Variants in RBFOX1 observed in about 807,000 individuals in gnomAD.
RBFOX1 encodes RNA binding protein fox-1 homolog 1.
In RBFOX1, 8 loss-of-function variants were observed where a neutral mutation model predicts 57.7. The ratio of observed to expected loss-of-function variants is 0.14; its 90% CI spans 0.08 to 0.25. RBFOX1 has a LOEUF of 0.25. Among genes scored for constraint, RBFOX1 ranks in the 10% least tolerant of loss-of-function variants. The probability of loss-of-function intolerance (pLI) is 1.00; values close to 1 mark genes in which losing one functional copy is unlikely to be tolerated. For synonymous variants in RBFOX1, 326 were observed against 222.4 expected, an observed-to-expected ratio of 1.47 and a Z score of -4.15; for missense variants, 611 against 548.5, an observed-to-expected ratio of 1.11 and a Z score of -1.14.
chr16:6,885,558 G>C (rs2063821623), intron 3 of RBFOX1, among the ~76,000 whole-genome samples: 1 of 151,428 alleles, frequency 6.6e-6, no homozygotes, highest in South Asian at 2.1e-4. Flanking sequence ...TTGAAATGGA[G>C]TCTTGCTCTG....
At chr16:7,203,464 G>A (rs1250721450) in intron 4 of RBFOX1, among the ~76,000 whole-genome samples, 2 of 152,320 alleles carry the variant, frequency 1.3e-5, no homozygotes, top group East Asian at 1.9e-4. Flanking sequence ...TTATGGTGGT[G>A]ATGGTTGCAT....
At chr16:6,892,292 G>A (rs917743657) in intron 3 of RBFOX1, among the ~76,000 whole-genome samples, 2 of 152,046 alleles carry the variant, frequency 1.3e-5, no homozygotes, top group Non-Finnish European at 2.9e-5. Context: ...AAGACTCTTC[G>A]ACCGTAAAGT....
At chr16:6,912,193 C>T (rs988954036) in intron 3 of RBFOX1, among the ~76,000 whole-genome samples, 1 of 152,120 alleles carries the variant, frequency 6.6e-6, no homozygotes, top group Admixed American at 6.6e-5. Flanking sequence ...ACTTAAATTC[C>T]CACGTGGAGT....
intron 14 of RBFOX1, among the ~76,000 whole-genome samples, chr16:7,677,418 A>G (rs544044685): frequency 1.3e-5 from 2 of 152,264 alleles, no homozygotes; most frequent in East Asian, 3.9e-4. Context: ...AACATAAGCC[A>G]GCTTTTATTT....
At chr16:7,042,114 C>A (rs990487851) in intron 3 of RBFOX1, among the ~76,000 whole-genome samples, 3 of 152,172 alleles carry the variant, frequency 2.0e-5, no homozygotes, top group African/African-American at 7.2e-5. Flanking sequence ...TATACTGGTT[C>A]TTACCTCAAT....
intron 3 of RBFOX1, among the ~76,000 whole-genome samples, chr16:6,910,745 G>T (rs191784224): frequency 6.6e-6 from 1 of 152,312 alleles, no homozygotes; most frequent in Admixed American, 6.5e-5. Context: ...CGGAGAGGAG[G>T]CCTGGGAAGA....
At chr16:5,406,034 C>A (rs568549025) in intron 1 of RBFOX1, among the ~76,000 whole-genome samples, 1 of 152,140 alleles carries the variant, frequency 6.6e-6, no homozygotes, top group Non-Finnish European at 1.5e-5. Flanking sequence ...TAGTTGAAGC[C>A]ACTTTTATCT....
At chr16:5,701,248 AT>A (rs1181141691) in intron 3 of RBFOX1, among the ~76,000 whole-genome samples, 1 of 152,222 alleles carries the variant, frequency 6.6e-6, no homozygotes, top group Non-Finnish European at 1.5e-5. Context: ...CTGTTTCTTC[AT>A]ACTTGAAGCT....
chr16:5,823,019 C>T (rs115860762), intron 3 of RBFOX1, among the ~76,000 whole-genome samples: 1 of 152,158 alleles, frequency 6.6e-6, no homozygotes, highest in Non-Finnish European at 1.5e-5. Context: ...TAGTAGATCT[C>T]AAGGACTTAT....
At chr16:5,557,291 A>T (rs1213465007) in intron 2 of RBFOX1, among the ~76,000 whole-genome samples, 1 of 151,370 alleles carries the variant, frequency 6.6e-6, no homozygotes, top group Non-Finnish European at 1.5e-5. Context: ...ATAAATAAAT[A>T]AATAAATAAA....
At chr16:7,257,792 C>A (rs1490545130) in intron 4 of RBFOX1, among the ~76,000 whole-genome samples, 1 of 152,190 alleles carries the variant, frequency 6.6e-6, no homozygotes, top group African/African-American at 2.4e-5. Flanking sequence ...TTGAGGGCTG[C>A]AAGAGCTATC....
At chr16:6,808,263 A>C (rs1358185977) in intron 3 of RBFOX1, among the ~76,000 whole-genome samples, 1 of 151,180 alleles carries the variant, frequency 6.6e-6, no homozygotes, top group Non-Finnish European at 1.5e-5. Context: ...ATGCCCCATC[A>C]CTTTGGAATT....
chr16:6,706,622 G>A (rs2062790155), intron 3 of RBFOX1, among the ~76,000 whole-genome samples: 1 of 152,006 alleles, frequency 6.6e-6, no homozygotes, highest in African/African-American at 2.4e-5. Flanking sequence ...TCCTGGTCTT[G>A]CCAACACTGG....
chr16:6,158,971 C>T (rs1447785254), intron 1 of RBFOX1, among the ~76,000 whole-genome samples: 4 of 151,928 alleles, frequency 2.6e-5, no homozygotes, highest in South Asian at 2.1e-4. Flanking sequence ...AGTGCACTCT[C>T]GGCTCACTGC....
chr16:6,987,736 C>T (rs1430581912), intron 3 of RBFOX1, among the ~76,000 whole-genome samples: 1 of 152,114 alleles, frequency 6.6e-6, no homozygotes, highest in East Asian at 1.9e-4. Flanking sequence ...GTTTATTCAC[C>T]TGTGTGGTGC....
chr16:6,577,307 A>T (rs1356294153), intron 2 of RBFOX1: 1 of 152,212 alleles, frequency 6.6e-6, no homozygotes, highest in South Asian at 2.1e-4. Flanking sequence ...ATCTGAAGTG[A>T]TATCAGTGGA....
chr16:5,615,892 G>A (rs2048005454), intron 3 of RBFOX1, among the ~76,000 whole-genome samples: 1 of 152,184 alleles, frequency 6.6e-6, no homozygotes, highest in African/African-American at 2.4e-5. Context: ...TGGCACCGCT[G>A]TTCAGTGCTT....
chr16:7,571,942 A>G (rs1219275923), intron 5 of RBFOX1, among the ~76,000 whole-genome samples: 1 of 152,220 alleles, frequency 6.6e-6, no homozygotes, highest in Non-Finnish European at 1.5e-5. Context: ...CAGCCTGGCC[A>G]ACATGATGAA....
intron 2 of RBFOX1, among the ~76,000 whole-genome samples, chr16:5,515,984 A>G (rs144169527): frequency 2.6e-4 from 39 of 152,292 alleles, no homozygotes; most frequent in African/African-American, 9.1e-4. Flanking sequence ...AGAGCACCAG[A>G]GCGTATTTGA....
Sources: allele counts gnomAD v4.1 joint callset (sites outside exome capture counted in the v4.1 genomes callset), GRCh38; gene constraint gnomAD v4.1.1; transcripts MANE v1.5; gene names NCBI Gene and HGNC (gene_info 2026-07-23, HGNC 2026-07-21).